PLAC1: variants seen among roughly 807,000 people sequenced by gnomAD.
The protein encoded by PLAC1 is placenta associated 1.
For missense variants in PLAC1, 136 were observed against 163.2 expected (o/e 0.83, Z 0.91); for synonymous variants, 68 against 62.1 (o/e 1.09, Z -0.44).
At chrX:134,704,819 C>T (rs1183521287) in intron 2 of PLAC1, among the ~76,000 whole-genome samples, 1 of 101,678 alleles carries the variant, frequency 9.8e-6, no homozygotes. Context: ...GGTGAAACCC[C>T]ATCTCTACCA....
intron 2 of PLAC1, among the ~76,000 whole-genome samples, chrX:134,596,053 A>G (rs979633160): frequency 2.7e-5 from 3 of 111,704 alleles, no homozygotes; most frequent in African/African-American, 6.5e-5. Context: ...TTGTATATAC[A>G]TAACTTATCA....
rs192180629 is a variant in PLAC1 at position 134,683,507 on chromosome X, T to C, written n.174+49928A>G. 2.7e-5 allele frequency among the ~76,000 whole-genome samples: 3 copies of C among 111,941 alleles called. No homozygotes were observed. In the East Asian group the frequency reaches 8.4e-4, roughly 31 times the overall value. ...TGAGTGTCACAAATCTTTTCCATCA[T>C]AGATTGCCAGGGGTTTGCAAACAGT... is the stretch of plus-strand genomic sequence containing the variant. On this transcript the variant is annotated intron_variant and non_coding_transcript_variant, in intron 2 of 2. Transcript: ENST00000466797.
intron 1 of PLAC1, among the ~76,000 whole-genome samples, chrX:134,629,968 CTT>C (rs368081621): frequency 4.4e-5 from 4 of 89,896 alleles, no homozygotes; most frequent in Non-Finnish European, 2.2e-5. Context: ...CTCTTCTTCC[CTT>C]TTTTTTTTTT....
At position 134,730,296 on chromosome X, in the gene PLAC1, C is replaced by T. The variant is rs192745061; in HGVS notation, n.174+3139G>A. Reference sequence around the variant, plus strand: ...TCATTGCTCTGGAAGCTCTTCTTCACAGCCAGCATTGAGTTTCTGAGAAGG... The same window carrying T: ...TCATTGCTCTGGAAGCTCTTCTTCATAGCCAGCATTGAGTTTCTGAGAAGG... On this transcript the variant is annotated intron_variant and non_coding_transcript_variant, in intron 2 of 2. Coordinates refer to the PLAC1 transcript ENST00000466797. Among the ~76,000 whole-genome samples the T allele has an allele frequency of 2.1e-4, 24 of 112,215 alleles. No individual in the cohort carries two copies. In the East Asian group the frequency reaches 5.3e-3, roughly 25 times the overall value.
intron 1 of PLAC1, among the ~76,000 whole-genome samples, chrX:134,629,917 C>T (rs751706014): frequency 1.8e-5 from 2 of 109,743 alleles, no homozygotes; most frequent in South Asian, 4.0e-4. Flanking sequence ...TGTCAGGACA[C>T]GTTGGTGTTT....
At chrX:134,619,146 C>T (rs1220837887) in intron 1 of PLAC1, among the ~76,000 whole-genome samples, 2 of 112,159 alleles carry the variant, frequency 1.8e-5, no homozygotes, top group African/African-American at 6.5e-5. Flanking sequence ...GACTCACAAA[C>T]ACAATTATAG....
At chrX:134,734,565 G>A (rs1324238056) in intron 1 of PLAC1, among the ~76,000 whole-genome samples, 1 of 112,514 alleles carries the variant, frequency 8.9e-6, no homozygotes, top group Non-Finnish European at 1.9e-5. Context: ...GCTCTTCCAT[G>A]GGCCTCTTTC....
intron 2 of PLAC1, among the ~76,000 whole-genome samples, chrX:134,674,429 C>T (rs2078466341): frequency 8.9e-6 from 1 of 111,922 alleles, no homozygotes; most frequent in South Asian, 3.8e-4. Flanking sequence ...AGGGATGTTT[C>T]TATGTCTTCA....
intron 2 of PLAC1, among the ~76,000 whole-genome samples, chrX:134,587,426 T>G (rs184613478): frequency 3.0e-4 from 28 of 92,611 alleles, no homozygotes; most frequent in African/African-American, 9.5e-4. Flanking sequence ...TAAATAAATT[T>G]AAAAAATAGC....
intron 2 of PLAC1, among the ~76,000 whole-genome samples, chrX:134,692,651 C>T (rs1404956631): frequency 8.9e-6 from 1 of 112,229 alleles, no homozygotes; most frequent in African/African-American, 3.2e-5. Context: ...CTAAGGGACA[C>T]GTTGCTTTTG....
At chrX:134,632,189 C>T (rs762164921) in intron 1 of PLAC1, among the ~76,000 whole-genome samples, 3 of 111,488 alleles carry the variant, frequency 2.7e-5, no homozygotes, top group Non-Finnish European at 3.8e-5. Flanking sequence ...TTAGCACAGC[C>T]GGCACAGAGA....
At chrX:134,687,202 A>C (rs2078520120) in intron 2 of PLAC1, among the ~76,000 whole-genome samples, 1 of 111,700 alleles carries the variant, frequency 9.0e-6, no homozygotes, top group Non-Finnish European at 1.9e-5. Flanking sequence ...TCTAAAGAGT[A>C]ACTGTAAACT....
rs1327305803 is a variant in PLAC1 at position 134,689,816 on chromosome X, T to G, written n.174+43619A>C. ...CAGTCCGTCTCTACTTTTACCAACT[T>G]TAAACTTCTCTATCTTGCTTTTTAA... On this transcript the variant is annotated intron_variant and non_coding_transcript_variant, in intron 2 of 2. Coordinates refer to the PLAC1 transcript ENST00000466797. Among the ~76,000 whole-genome samples, 10 of 112,259 alleles carry G rather than the reference T, an allele frequency of 8.9e-5. No individual in the cohort carries two copies. In the Admixed American group the frequency reaches 9.4e-4, roughly 11 times the overall value.
intron 2 of PLAC1, among the ~76,000 whole-genome samples, chrX:134,727,670 G>A (rs1459058371): frequency 8.9e-6 from 1 of 112,091 alleles, no homozygotes; most frequent in Non-Finnish European, 1.9e-5. Context: ...AAACGCTCAG[G>A]AGGACAGAGA....
At chrX:134,660,117 T>G (rs1430665321), upstream of PLAC1, among the ~76,000 whole-genome samples, 6 of 110,788 alleles carry the variant, frequency 5.4e-5, no homozygotes, top group South Asian at 1.6e-3. Context: ...TTTTTTTTTT[T>G]TTTTTGAGAC....
chrX:134,705,021 T>TACACAC (rs1556156722), intron 2 of PLAC1, among the ~76,000 whole-genome samples: 2,091 of 98,287 alleles, frequency 0.021, 96 homozygotes, highest in African/African-American at 0.076. Context: ...TATATATATA[T>TACACAC]ACACACACAC....
chrX:134,578,933 A>C (rs2077959055), intron 2 of PLAC1, among the ~76,000 whole-genome samples: 1 of 110,931 alleles, frequency 9.0e-6, no homozygotes, highest in South Asian at 3.9e-4. Flanking sequence ...TTATAGGGCA[A>C]ATGTTCAAAG....
chrX:134,633,394 T>C (rs1457436586), intron 1 of PLAC1, among the ~76,000 whole-genome samples: 5 of 112,067 alleles, frequency 4.5e-5, no homozygotes, highest in Non-Finnish European at 9.4e-5. Flanking sequence ...AATAATCAAG[T>C]AGAGATTAGC....
At chrX:134,590,813 G>C (rs2124375212) in intron 2 of PLAC1, among the ~76,000 whole-genome samples, 1 of 110,351 alleles carries the variant, frequency 9.1e-6, no homozygotes. Flanking sequence ...CACCATGTTG[G>C]CCAGGCTGGT....
Sources: gnomAD v4.1 joint callset for allele counts (sites outside exome capture counted in the v4.1 genomes callset) on GRCh38, gnomAD v4.1.1 for gene constraint, MANE v1.5 for transcripts, NCBI Gene and HGNC (gene_info 2026-07-23, HGNC 2026-07-21) for gene names.